USP40: variants seen among roughly 807,000 people sequenced by gnomAD.
The protein encoded by USP40 is ubiquitin carboxyl-terminal hydrolase 40.
A neutral mutation model predicts 166.2 loss-of-function variants in USP40; 143 were observed. The observed-to-expected ratio is 0.86, with a 90% CI of 0.75 to 0.99. The LOEUF (loss-of-function observed/expected upper bound fraction) is 0.99, where lower values mean the gene tolerates loss of function less well. Ranked by LOEUF, USP40 falls within the 50% of genes least tolerant of loss-of-function variation. The pLI, the probability that USP40 is intolerant of heterozygous loss-of-function variation, is 0.00. For synonymous variants in USP40, 498 were observed against 524.0 expected (o/e 0.95, Z 0.68); for missense variants, 1,444 against 1,479.7 (o/e 0.98, Z 0.40).
chr2:233,557,028 C>T lies in USP40; in HGVS notation c.382-9G>A. On this transcript the variant is annotated splice_polypyrimidine_tract_variant and intron_variant, in intron 4 of 31. Transcript: ENST00000678225. ...TCATGTTGCCTCATTTCCTACAAAACAGGTAACTTTTAGATGTAATTCCGG... is the reference window on the plus strand; with the variant it reads ...TCATGTTGCCTCATTTCCTACAAAATAGGTAACTTTTAGATGTAATTCCGG... 10 of 1,604,654 alleles carry T rather than the reference C, an allele frequency of 6.2e-6. No homozygotes were observed. The highest frequency in any genetic ancestry group is 8.5e-6 in the Non-Finnish European group (10 of 1,176,810).
Position 233,496,765 on chromosome 2 carries a change from GGAA to G in USP40, c.2780_2782del (p.Leu927del). 6.2e-7 allele frequency: 1 copy of G among 1,612,038 alleles called. No individual in the cohort carries two copies. The highest frequency in any genetic ancestry group is 2.2e-5 in the East Asian group (1 of 44,766). On this transcript the variant is annotated inframe_deletion, in exon 24 of 32. Transcript: ENST00000678225. ...TCAGAAGTAAAATCTTACCAGAGGA[GGAA>G]GTTGTCCTTCAATTAAAAGCAAAGT...
intron 10 of USP40, 97 bp downstream of exon 10, chr2:233,540,565 C>T (rs1159763967): frequency 2.9e-6 from 2 of 691,398 alleles, no homozygotes; most frequent in African/African-American, 1.8e-5. Context: ...TTTATTTTCA[C>T]CTATTTTAAA....
At chr2:233,490,917 G>A (rs114534263) in intron 26 of USP40, 43 of 601,744 alleles carry the variant, frequency 7.1e-5, no homozygotes, top group African/African-American at 9.4e-5. Context: ...AACAAAAGCC[G>A]CAAGTCACTG....
At chr2:233,516,021 T>C (rs896897507) in intron 18 of USP40, among the ~76,000 whole-genome samples, 1 of 152,232 alleles carries the variant, frequency 6.6e-6, no homozygotes, top group African/African-American at 2.4e-5. Context: ...TGAGTTCCAC[T>C]GTAAATATTT....
intron 2 of USP40, among the ~76,000 whole-genome samples, chr2:233,564,901 C>T (rs2071997358): frequency 1.3e-5 from 2 of 152,078 alleles, no homozygotes; most frequent in South Asian, 4.2e-4. Flanking sequence ...GTGAGCTTTC[C>T]AGATTTCAGA....
intron 10 of USP40, among the ~76,000 whole-genome samples, chr2:233,534,393 C>T (rs148739924): frequency 4.6e-5 from 7 of 152,288 alleles, no homozygotes; most frequent in African/African-American, 1.7e-4. Flanking sequence ...CCATCCACTA[C>T]GCCCCTATCC....
intron 25 of USP40, among the ~76,000 whole-genome samples, chr2:233,492,427 CCAAAAAAAGAACCTTTTATTTACTTTT>C (rs2065407786): frequency 1.3e-5 from 2 of 152,074 alleles, no homozygotes; most frequent in Non-Finnish European, 2.9e-5. Context: ...AGATGTATTA[CCAAAAAAAGAACCTTTTATTTACTTTT>C]CACGTAGAAA....
intron 19 of USP40, chr2:233,512,032 A>C (rs892562610): frequency 1.3e-5 from 5 of 377,546 alleles, no homozygotes; most frequent in African/African-American, 2.1e-5. Flanking sequence ...GAAGCTATGA[A>C]AGTCTAGTTT....
intron 20 of USP40, among the ~76,000 whole-genome samples, 195 bp from the exon 21 acceptor site, chr2:233,510,330 TTCA>T (rs60626606): frequency 0.1 from 15,409 of 150,696 alleles, 821 homozygotes; most frequent in South Asian, 0.13. Flanking sequence ...TATAAATTGC[TTCA>T]TCATCAATGT....
chr2:233,524,888 G>A (rs1000909881), intron 14 of USP40, among the ~76,000 whole-genome samples: 1 of 152,154 alleles, frequency 6.6e-6, no homozygotes, highest in African/African-American at 2.4e-5. Context: ...AAGCTGTATT[G>A]TGTGCTTCAA....
chr2:233,553,953 A>C (rs2070815903), intron 6 of USP40, among the ~76,000 whole-genome samples: 1 of 152,224 alleles, frequency 6.6e-6, no homozygotes, highest in Non-Finnish European at 1.5e-5. Flanking sequence ...AGGTAAGGCT[A>C]TATTGGATTT....
chr2:233,537,236 T>G (rs1420394013), intron 10 of USP40, among the ~76,000 whole-genome samples: 3 of 152,096 alleles, frequency 2.0e-5, no homozygotes, highest in African/African-American at 4.8e-5. Context: ...GAGGAGGATG[T>G]GACTAGGCCA....
intron 12 of USP40, among the ~76,000 whole-genome samples, chr2:233,528,781 G>A (rs2068257451): frequency 6.6e-6 from 1 of 151,968 alleles, no homozygotes; most frequent in Non-Finnish European, 1.5e-5. Flanking sequence ...CAGGCAGTTT[G>A]GTCCACAAGG....
At chr2:233,550,872 A>G (rs996608036) in intron 7 of USP40, among the ~76,000 whole-genome samples, 9 of 152,204 alleles carry the variant, frequency 5.9e-5, no homozygotes, top group African/African-American at 2.2e-4. Context: ...TAAATTCATC[A>G]TTACATGTAA....
chr2:233,521,267 T>G (rs1383489318), intron 16 of USP40, among the ~76,000 whole-genome samples, 153 bp from the exon 17 acceptor site: 1 of 152,254 alleles, frequency 6.6e-6, no homozygotes, highest in African/African-American at 2.4e-5. Context: ...AGGGTAATGT[T>G]AGGCAGTAGT....
chr2:233,558,482 A>G (rs2071294207), intron 4 of USP40, among the ~76,000 whole-genome samples: 1 of 152,218 alleles, frequency 6.6e-6, no homozygotes, highest in South Asian at 2.1e-4. Context: ...CCCTGAGAAC[A>G]GTACTTTAAG....
At chr2:233,504,854 C>T (rs139273941) in intron 21 of USP40, among the ~76,000 whole-genome samples, 8 of 151,910 alleles carry the variant, frequency 5.3e-5, no homozygotes, top group East Asian at 3.9e-4. Context: ...ATAGACCAAA[C>T]GGAGCTAACA....
chr2:233,485,829 C>T lies in USP40; in HGVS notation c.3346G>A (p.Glu1116Lys). 1.2e-6 allele frequency: 2 copies of T among 1,611,810 alleles called. No individual in the cohort carries two copies. The highest frequency in any genetic ancestry group is 3.3e-4 in the Middle Eastern group (2 of 6,060). Residue 1116 changes from glutamate (E) to lysine (K), a missense_variant, in exon 29 of 32, where the codon GAG (glutamate) becomes AAG (lysine). Physicochemically the swap from Glu to Lys is moderately conservative, Grantham distance 56 (BLOSUM62 1). Coordinates refer to ENST00000678225, the MANE Select transcript of USP40 (RefSeq NM_001365479.2). ...AAGTATTTGGCAATTTCAATCTTCT[C>T]CACGGGAAGACGATAGAAATCGGCA... ...RVADFYRLPV[E>K]KIEIAKYFPE...
chr2:233,525,276 A>G (rs899713301), intron 14 of USP40, among the ~76,000 whole-genome samples: 2 of 152,232 alleles, frequency 1.3e-5, no homozygotes, highest in Non-Finnish European at 2.9e-5. Flanking sequence ...CCATGTTAGA[A>G]GAATTTCACA....
Sources: allele counts gnomAD v4.1 joint callset (sites outside exome capture counted in the v4.1 genomes callset), GRCh38; gene constraint gnomAD v4.1.1; transcripts MANE v1.5; gene names NCBI Gene and HGNC (gene_info 2026-07-23, HGNC 2026-07-21).